Variants in WWOX observed in about 807,000 individuals in gnomAD.
WWOX encodes the protein WW domain containing oxidoreductase.
In WWOX, 69 loss-of-function variants were observed where a neutral mutation model predicts 46.2. That is an observed-to-expected ratio of 1.49 (90% confidence interval 1.23 to 1.82). The LOEUF (loss-of-function observed/expected upper bound fraction) is 1.82. Ranked by LOEUF, WWOX falls within the 40% of genes most tolerant of loss-of-function variation. The probability of loss-of-function intolerance (pLI) is 0.00; values close to 1 mark genes in which losing one functional copy is unlikely to be tolerated. For synonymous variants in WWOX, 359 were observed against 202.6 expected (o/e 1.77, Z -6.56); for missense variants, 919 against 542.6 (o/e 1.69, Z -6.89).
At chr16:78,799,826 A>G (rs2050838547) in intron 8 of WWOX, among the ~76,000 whole-genome samples, 1 of 152,224 alleles carries the variant, frequency 6.6e-6, no homozygotes, top group African/African-American at 2.4e-5. Context: ...CTGCCCAATT[A>G]TACCCAATAT....
chr16:79,194,854 A>T (rs2051207411), intron 8 of WWOX, among the ~76,000 whole-genome samples: 1 of 152,138 alleles, frequency 6.6e-6, no homozygotes, highest in Non-Finnish European at 1.5e-5. Context: ...TACCACGTCT[A>T]AGCAGATGCT....
chr16:78,365,323 T>A (rs1597106511), intron 5 of WWOX, among the ~76,000 whole-genome samples: 1 of 152,198 alleles, frequency 6.6e-6, no homozygotes, highest in Admixed American at 6.5e-5. Flanking sequence ...CTGTTGGTTA[T>A]GTTTTTGTTT....
chr16:78,551,248 T>C (rs933073446), intron 8 of WWOX: 17 of 152,228 alleles, frequency 1.1e-4, no homozygotes, highest in Admixed American at 9.2e-4. Flanking sequence ...AGAAACCTAA[T>C]GAAAACAGCA....
chr16:78,271,998 ACAGATAAGT>A (rs1457976726), intron 5 of WWOX, among the ~76,000 whole-genome samples: 3 of 152,218 alleles, frequency 2.0e-5, no homozygotes, highest in Non-Finnish European at 4.4e-5. Context: ...CCAGGAGACT[ACAGATAAGT>A]CAGCCAAACT....
At chr16:78,422,772 CACATATATATAT>C (rs1567563525) in intron 6 of WWOX, among the ~76,000 whole-genome samples, 13 of 123,900 alleles carry the variant, frequency 1.0e-4, no homozygotes, top group African/African-American at 5.0e-4. Context: ...TATATATACA[CACATATATATAT>C]ACACACACAC....
intron 8 of WWOX, among the ~76,000 whole-genome samples, chr16:78,801,993 A>G (rs905399713): frequency 6.6e-6 from 1 of 152,076 alleles, no homozygotes; most frequent in South Asian, 2.1e-4. Flanking sequence ...AACCGAGATG[A>G]TGTGTGGAAA....
intron 8 of WWOX, among the ~76,000 whole-genome samples, chr16:79,197,815 C>CA (rs1325461188): frequency 2.6e-5 from 4 of 152,104 alleles, no homozygotes; most frequent in African/African-American, 9.7e-5. Flanking sequence ...TTCATCCCAC[C>CA]ATGATGATGG....
At chr16:78,109,543 G>T (rs1402743425) in intron 2 of WWOX, among the ~76,000 whole-genome samples, 1 of 152,196 alleles carries the variant, frequency 6.6e-6, no homozygotes, top group East Asian at 1.9e-4. Context: ...GAGCGATCAG[G>T]AATAAAATAG....
rs1427805120 is a variant in WWOX, at chr16:78,992,025, C to A, written c.1057-219583C>A. Among the ~76,000 whole-genome samples, 4 of 152,174 alleles carry A rather than the reference C, an allele frequency of 2.6e-5. No individual in the cohort carries two copies. The South Asian group carries it at 8.3e-4, about 32-fold the overall frequency. On this transcript the variant is annotated intron_variant, in intron 8 of 8. Transcript: ENST00000566780. ...TCACCTGAAGGATCTTCTCCCTCTC[C>A]CCACTTTCAGGCTCTCCTTTCACAT...
chr16:78,537,084 T>C (rs1226059078), intron 8 of WWOX, among the ~76,000 whole-genome samples: 1 of 151,940 alleles, frequency 6.6e-6, no homozygotes, highest in Non-Finnish European at 1.5e-5. Flanking sequence ...ACTCAGCTAA[T>C]ATTTGTATTT....
At chr16:78,574,336 A>T (rs1185786224) in intron 8 of WWOX, among the ~76,000 whole-genome samples, 1 of 152,226 alleles carries the variant, frequency 6.6e-6, no homozygotes, top group East Asian at 1.9e-4. Context: ...CAAAGGGAGG[A>T]CACTGCACAA....
chr16:79,140,633 G>T (rs1032551483), intron 8 of WWOX, among the ~76,000 whole-genome samples: 10 of 152,242 alleles, frequency 6.6e-5, no homozygotes, highest in Non-Finnish European at 1.5e-4. Flanking sequence ...TGGTAATTAA[G>T]AAGCAAGAAG....
chr16:79,207,651 G>C (rs1342485613), intron 8 of WWOX, among the ~76,000 whole-genome samples: 1 of 152,184 alleles, frequency 6.6e-6, no homozygotes, highest in Non-Finnish European at 1.5e-5. Context: ...CTTTAAGACA[G>C]GAATCTCCTC....
intron 8 of WWOX, among the ~76,000 whole-genome samples, chr16:79,023,586 A>G (rs1034109954): frequency 6.6e-6 from 1 of 152,128 alleles, no homozygotes; most frequent in Non-Finnish European, 1.5e-5. Context: ...TGTGTGTTAA[A>G]AAGGAATGAC....
At chr16:78,166,178 T>C (rs889029005) in intron 5 of WWOX, among the ~76,000 whole-genome samples, 5 of 152,084 alleles carry the variant, frequency 3.3e-5, no homozygotes, top group Non-Finnish European at 1.5e-5. Context: ...TTTTTTTTTT[T>C]AAACTTAGTA....
intron 5 of WWOX, among the ~76,000 whole-genome samples, chr16:78,381,441 A>G (rs1407257461): frequency 2.0e-5 from 3 of 151,994 alleles, no homozygotes. Context: ...TTGTTTGATT[A>G]TGACCTTCTG....
chr16:78,976,238 C>A (rs910792652), intron 8 of WWOX, among the ~76,000 whole-genome samples: 1 of 152,180 alleles, frequency 6.6e-6, no homozygotes, highest in African/African-American at 2.4e-5. Flanking sequence ...TGCAAATCTC[C>A]CTGCACACTT....
chr16:78,754,809 G>C (rs865893587), intron 8 of WWOX, among the ~76,000 whole-genome samples: 3 of 152,212 alleles, frequency 2.0e-5, no homozygotes, highest in African/African-American at 4.8e-5. Flanking sequence ...TCTACTTATA[G>C]ATCTGCACGG....
intron 8 of WWOX, among the ~76,000 whole-genome samples, chr16:78,557,780 C>A (rs567156008): frequency 2.0e-5 from 3 of 148,280 alleles, no homozygotes; most frequent in African/African-American, 5.1e-5. Context: ...ACTGCAACCT[C>A]CGCCTCCTGG....
Sources: gnomAD v4.1 joint callset for allele counts (sites outside exome capture counted in the v4.1 genomes callset) on GRCh38, gnomAD v4.1.1 for gene constraint, MANE v1.5 for transcripts, NCBI Gene and HGNC (gene_info 2026-07-23, HGNC 2026-07-21) for gene names.